FNIP1: variants seen among roughly 807,000 people sequenced by gnomAD.
FNIP1 encodes folliculin interacting protein 1.
In FNIP1, 40 loss-of-function variants were observed where a neutral mutation model predicts 124.5. The ratio of observed to expected loss-of-function variants is 0.32; its 90% CI spans 0.25 to 0.42. The LOEUF is 0.42. Among genes scored for constraint, FNIP1 ranks in the 10% least tolerant of loss-of-function variants. The pLI is 1.00. For missense variants in FNIP1, 1,176 were observed against 1,403.7 expected, an observed-to-expected ratio of 0.84 and a Z score of 2.59; for synonymous variants, 472 against 470.6, an observed-to-expected ratio of 1.00 and a Z score of -0.04.
chr5:131,729,812 C>G (rs1770016012), intron 3 of FNIP1, among the ~76,000 whole-genome samples: 1 of 152,012 alleles, frequency 6.6e-6, no homozygotes, highest in Non-Finnish European at 1.5e-5. Flanking sequence ...ATGGCGCAAT[C>G]TTGGGTCACC....
intron 1 of FNIP1, among the ~76,000 whole-genome samples, chr5:131,779,437 T>C (rs756484748): frequency 5.3e-5 from 8 of 152,008 alleles, no homozygotes; most frequent in Non-Finnish European, 1.2e-4. Flanking sequence ...CCCAGCACTT[T>C]GGGAGACCAA....
At chr5:131,699,882 G>A (rs1422555656) in intron 10 of FNIP1, among the ~76,000 whole-genome samples, 1 of 121,570 alleles carries the variant, frequency 8.2e-6, no homozygotes, top group Non-Finnish European at 1.6e-5. Flanking sequence ...TGCCACTGCT[G>A]CACTCCAGCC....
chr5:131,687,251 A>G (rs921821053), intron 11 of FNIP1, among the ~76,000 whole-genome samples: 1 of 151,894 alleles, frequency 6.6e-6, no homozygotes, highest in African/African-American at 2.4e-5. Flanking sequence ...GATTACAGGC[A>G]TGCACCACCA....
At chr5:131,747,301 C>T (rs1400373404) in intron 1 of FNIP1, among the ~76,000 whole-genome samples, 1 of 152,128 alleles carries the variant, frequency 6.6e-6, no homozygotes, top group African/African-American at 2.4e-5. Flanking sequence ...CTATGTGTAA[C>T]CGGCAACATA....
chr5:131,673,276 G>A (rs1360796794), intron 13 of FNIP1, among the ~76,000 whole-genome samples: 1 of 146,710 alleles, frequency 6.8e-6, no homozygotes, highest in Non-Finnish European at 1.5e-5. Context: ...GGGTGGTCTT[G>A]AGCTCCTGGG....
chr5:131,755,158 C>T (rs1361981512), intron 1 of FNIP1, among the ~76,000 whole-genome samples: 6 of 152,156 alleles, frequency 3.9e-5, no homozygotes, highest in African/African-American at 1.2e-4. Context: ...CAGTGGCTCA[C>T]GCCTGTAATC....
At chr5:131,679,280 T>G in intron 11 of FNIP1, 105 bp from the exon 12 acceptor site, 1 of 695,702 alleles carries the variant, frequency 1.4e-6, no homozygotes, top group Non-Finnish European at 2.5e-6. Flanking sequence ...ATCTAGATTA[T>G]TAAAGCTTTT....
intron 6 of FNIP1, among the ~76,000 whole-genome samples, chr5:131,713,826 A>C (rs1769380359): frequency 6.6e-6 from 1 of 152,170 alleles, no homozygotes; most frequent in Admixed American, 6.5e-5. Flanking sequence ...AACTATCCCC[A>C]CTGACACTAA....
intron 1 of FNIP1, among the ~76,000 whole-genome samples, chr5:131,768,904 C>T (rs184534792): frequency 3.3e-4 from 50 of 152,278 alleles, no homozygotes; most frequent in African/African-American, 1.2e-3. Context: ...TGGGGACACA[C>T]ATTTAAGGTG....
Position 131,714,039 on chromosome 5 carries a change from A to G in FNIP1, c.622+2526T>C, listed in dbSNP as rs1025257873. Among the ~76,000 whole-genome samples the G allele has an allele frequency of 3.9e-5, 6 of 152,238 alleles. No homozygotes were observed. In the East Asian group the frequency reaches 1.2e-3, roughly 29 times the overall value. Reference sequence around the variant, plus strand: ...ATATATGTCAAAGATCTCCAACTATAAAGAGTATGTTGATTAAGAACACCT... The same window carrying G: ...ATATATGTCAAAGATCTCCAACTATGAAGAGTATGTTGATTAAGAACACCT... On this transcript the variant is annotated intron_variant, in intron 6 of 17. Coordinates refer to ENST00000510461, the MANE Select transcript of FNIP1 (RefSeq NM_133372.3).
chr5:131,741,871 T>C (rs1770523294), intron 2 of FNIP1, among the ~76,000 whole-genome samples: 1 of 152,202 alleles, frequency 6.6e-6, no homozygotes, highest in African/African-American at 2.4e-5. Context: ...CTTCTACTCC[T>C]ACTTGGCAAT....
At chr5:131,656,659 G>A (rs1446912552) in intron 15 of FNIP1, among the ~76,000 whole-genome samples, 1 of 150,722 alleles carries the variant, frequency 6.6e-6, no homozygotes. Context: ...TGCTGACCAA[G>A]AGGCAATACA....
chr5:131,686,843 GC>G (rs1431865104), intron 11 of FNIP1, among the ~76,000 whole-genome samples: 5 of 151,886 alleles, frequency 3.3e-5, no homozygotes, highest in Admixed American at 3.3e-4. Context: ...GCGATTACAG[GC>G]ATGCGCCACC....
intron 11 of FNIP1, among the ~76,000 whole-genome samples, chr5:131,690,036 C>T (rs563003496): frequency 8.4e-4 from 127 of 151,932 alleles, no homozygotes; most frequent in Admixed American, 3.0e-3. Context: ...CTGGCTAACA[C>T]GGTGAAACCC....
At chr5:131,765,531 A>G (rs1278277046) in intron 1 of FNIP1, among the ~76,000 whole-genome samples, 1 of 152,234 alleles carries the variant, frequency 6.6e-6, no homozygotes, top group East Asian at 1.9e-4. Flanking sequence ...TAAAAGGCAA[A>G]TGTAAGCATG....
chr5:131,716,394 T>C (rs1430677574), intron 6 of FNIP1, among the ~76,000 whole-genome samples, 171 bp downstream of exon 6: 1 of 152,242 alleles, frequency 6.6e-6, no homozygotes, highest in African/African-American at 2.4e-5. Context: ...ATGAAAAATA[T>C]GTTTTCCAAA....
intron 11 of FNIP1, among the ~76,000 whole-genome samples, chr5:131,686,991 G>T (rs1416512759): frequency 6.9e-6 from 1 of 144,628 alleles, no homozygotes; most frequent in Non-Finnish European, 1.5e-5. Flanking sequence ...AGTGACAGCA[G>T]TATCTGAATG....
chr5:131,745,180 AATCAAGTATAGTGAAAATTCTC>A (rs1203414457), intron 1 of FNIP1, among the ~76,000 whole-genome samples: 2 of 151,950 alleles, frequency 1.3e-5, no homozygotes, highest in African/African-American at 4.8e-5. Context: ...AGTGGAGAGC[AATCAAGTATAGTGAAAATTCTC>A]ATATGCTGCT....
chr5:131,671,761 A>T lies in FNIP1; in HGVS notation c.2683T>A (p.Ser895Thr). Residue 895 changes from serine (S) to threonine (T), a missense_variant, in exon 14 of 18, where the codon TCA becomes ACA. Physicochemically the swap from Ser to Thr is moderately conservative, Grantham distance 58. Coordinates refer to ENST00000510461, the MANE Select transcript of FNIP1 (RefSeq NM_133372.3). ...CKCIETVPQD[S>T]CKTCFPQQDQ... Reference sequence around the variant, plus strand: ...TGCTGAGGAAAGCAGGTTTTACATGAATCTTGGGGAACTGTTTCTATACAT... The same window carrying T: ...TGCTGAGGAAAGCAGGTTTTACATGTATCTTGGGGAACTGTTTCTATACAT... The T allele has an allele frequency of 6.2e-7, 1 of 1,614,108 alleles. No homozygotes were observed. The highest frequency in any genetic ancestry group is 8.5e-7 in the Non-Finnish European group (1 of 1,180,002).
Sources: allele counts gnomAD v4.1 joint callset (sites outside exome capture counted in the v4.1 genomes callset), GRCh38; gene constraint gnomAD v4.1.1; transcripts MANE v1.5; gene names NCBI Gene and HGNC (gene_info 2026-07-23, HGNC 2026-07-21).